The following ATP5MC2 variants were observed in gnomAD, a reference collection of about 807,000 sequenced individuals.
The protein encoded by ATP5MC2 is ATP synthase F(0) complex subunit C2, mitochondrial.
In ATP5MC2, 11 loss-of-function variants were observed where a neutral mutation model predicts 13.5. The observed-to-expected ratio is 0.81, with a 90% confidence interval of 0.51 to 1.35. ATP5MC2 has a LOEUF of 1.35. Ranked by LOEUF, ATP5MC2 falls within the 40% of genes most tolerant of loss-of-function variation. The pLI is 0.00. For missense variants in ATP5MC2, 132 were observed against 175.0 expected (o/e 0.75, Z 1.39); for synonymous variants, 64 against 69.7 (o/e 0.92, Z 0.41).
At chr12:53,671,950 T>C in intron 2 of ATP5MC2, among the ~76,000 whole-genome samples, 1 of 151,768 alleles carries the variant, frequency 6.6e-6, no homozygotes, top group Non-Finnish European at 1.5e-5. Context: ...AAAAATTAGC[T>C]GGGTATGGTG....
At chr12:53,668,406 C>T (rs575680621) in intron 4 of ATP5MC2, among the ~76,000 whole-genome samples, 89 of 151,820 alleles carry the variant, frequency 5.9e-4, no homozygotes, top group African/African-American at 2.1e-3. Context: ...CGGGTTCAAG[C>T]GATTCTTCTG....
Position 53,669,228 on chromosome 12 carries a change from A to C in ATP5MC2, c.231T>G (p.Ala77=), listed in dbSNP as rs763684496. The C allele has an allele frequency of 6.8e-6, 11 of 1,613,906 alleles. No individual in the cohort carries two copies. In the East Asian group the frequency reaches 2.2e-4, roughly 33 times the overall value. ...CAGCCACCCCAACTGTGGCAGCCCC[A>C]GCTCCAATGAACTTGGCTGCTGTGT... ...DIDTAAKFIG[A]GAATVGVAGS... The change falls in exon 4 of 5, where the codon GCT becomes GCG. Residue 77 remains alanine (A), a synonymous_variant. Coordinates refer to ENST00000394349, the MANE Select transcript of ATP5MC2 (RefSeq NM_005176.7).
At chr12:53,673,319 A>AAAAC (rs144937742) in intron 1 of ATP5MC2, 26,528 of 141,608 alleles carry the variant, frequency 0.19, 2,859 homozygotes, top group East Asian at 0.62. Context: ...ACCCCATCTC[A>AAAAC]AAACAAACAA....
intron 2 of ATP5MC2, among the ~76,000 whole-genome samples, 175 bp downstream of exon 2, chr12:53,672,401 T>TA (rs1565627905): frequency 6.6e-6 from 1 of 152,094 alleles, no homozygotes; most frequent in African/African-American, 2.4e-5. Context: ...TTCGTTTTTT[T>TA]AGTAGAGATG....
chr12:53,665,397 A>C lies in ATP5MC2; in HGVS notation c.343T>G (p.Tyr115Asp). 3 of 1,614,196 alleles carry C rather than the reference A, an allele frequency of 1.9e-6. No individual in the cohort carries two copies. The highest frequency in any genetic ancestry group is 2.5e-6 in the Non-Finnish European group (3 of 1,180,012). ...GAGAGGGCAAAGCCCAGAATGGCGT[A>C]GGAGAAGAGCTGTTGCTTCAGAGAA... ...NPSLKQQLFS[Y>D]AILGFALSEA... Residue 115 changes from tyrosine to aspartate, a missense_variant, in exon 5 of 5, where the codon TAC (tyrosine) becomes GAC (aspartate). Coordinates refer to ENST00000394349, the MANE Select transcript of ATP5MC2 (RefSeq NM_005176.7).
chr12:53,679,237 A>AAGAGAGAG (rs1945326601), upstream of ATP5MC2, among the ~76,000 whole-genome samples: 2 of 72,608 alleles, frequency 2.8e-5, no homozygotes, highest in African/African-American at 7.5e-5. Context: ...GATTTTAAAA[A>AAGAGAGAG]CGAGAGAGAG....
rs575561621 is a variant in ATP5MC2, at chr12:53,675,690, G to C, written c.-32+363C>G. 9.8e-5 allele frequency among the ~76,000 whole-genome samples: 15 copies of C among 152,338 alleles called. No individual in the cohort carries two copies. The South Asian group carries it at 3.1e-3, about 32-fold the overall frequency. ...GAAGGCACAAGTCAGGATGAGAAGA[G>C]AAAGCAGAGATAGGAGGGGAGAGCC... On this transcript the variant is annotated intron_variant, in intron 1 of 4. Transcript: ENST00000394349.
In ATP5MC2 at chr12:53,665,214, G is replaced by A; in HGVS notation, c.*100C>T. 4.7e-6 allele frequency: 4 copies of A among 843,832 alleles called. No homozygotes were observed. The allele number at this position is 843,832 out of a possible 1,614,324, so 52.3% of individuals were successfully genotyped here. A position where few individuals can be genotyped will look rare whatever the true frequency, so the allele number is the denominator to read the frequency against. On this transcript the variant is annotated 3_prime_UTR_variant, in exon 5 of 5. Transcript: ENST00000394349. Reference sequence around the variant, plus strand: ...ATTTGTCTTTTCTCTGTCAAACCCTGAGCCAACCACGTTCCCCAGGCTGCC... The same window carrying A: ...ATTTGTCTTTTCTCTGTCAAACCCTAAGCCAACCACGTTCCCCAGGCTGCC...
At chr12:53,679,271 G>C (rs1945327959), upstream of ATP5MC2, among the ~76,000 whole-genome samples, 1 of 150,772 alleles carries the variant, frequency 6.6e-6, no homozygotes, top group African/African-American at 2.5e-5. Context: ...GAGAGAGAGA[G>C]AGAGAGAGAC....
chr12:53,671,899 G>A (rs1287202480), intron 2 of ATP5MC2, among the ~76,000 whole-genome samples: 1 of 151,934 alleles, frequency 6.6e-6, no homozygotes, highest in Non-Finnish European at 1.5e-5. Flanking sequence ...TTTGAGACCA[G>A]CCCGGCCAAC....
chr12:53,676,319 A>AACGTGG, upstream of ATP5MC2: 1 of 1,410,610 alleles, frequency 7.1e-7, no homozygotes, highest in Non-Finnish European at 9.6e-7. Flanking sequence ...GCCGATCCGT[A>AACGTGG]ACGTGGACTG....
rs1287582956 is a variant in ATP5MC2 at position 53,667,972 on chromosome 12, T to C, written c.311+1176A>G. Among the ~76,000 whole-genome samples, 22 of 49,914 alleles carry C rather than the reference T, an allele frequency of 4.4e-4. 2 individuals are homozygous for C. The highest frequency in any genetic ancestry group is 1.6e-3 in the African/African-American group (13 of 8,234). 32.7% of individuals were successfully genotyped at this position (49,914 alleles called of 152,430 possible). A position where few individuals can be genotyped will look rare whatever the true frequency, so the allele number is the denominator to read the frequency against. ...ATACACACACATATATATATATATATATATATATATATATATATATATAAA... is the reference window on the plus strand; with the variant it reads ...ATACACACACATATATATATATATACATATATATATATATATATATATAAA... On this transcript the variant is annotated intron_variant, in intron 4 of 4. Coordinates refer to ENST00000394349, the MANE Select transcript of ATP5MC2 (RefSeq NM_005176.7).
chr12:53,676,116 G>A (rs200067206), upstream of ATP5MC2: 20 of 1,614,278 alleles, frequency 1.2e-5, no homozygotes, highest in East Asian at 4.5e-4. Flanking sequence ...GGAAGGCTCA[G>A]CGCATGCGTG....
chr12:53,667,271 T>A (rs895990364), intron 4 of ATP5MC2, among the ~76,000 whole-genome samples: 1 of 152,178 alleles, frequency 6.6e-6, no homozygotes, highest in South Asian at 2.1e-4. Context: ...CAGTCCCAGG[T>A]GTCAGAAACC....
At chr12:53,680,918 G>C (rs958995758), upstream of ATP5MC2, among the ~76,000 whole-genome samples, 1 of 151,690 alleles carries the variant, frequency 6.6e-6, no homozygotes, top group Admixed American at 6.6e-5. Context: ...AATTATTTTT[G>C]TGGGGGAGGT....
At chr12:53,677,103 G>C (rs1945296447), upstream of ATP5MC2, 1 of 152,284 alleles carries the variant, frequency 6.6e-6, no homozygotes, top group African/African-American at 2.4e-5. Context: ...TAAAAAGAAA[G>C]CCGCGGCTGT....
chr12:53,672,101 A>AATAAAATAAAATAAAATAAAATAAAAT (rs1945114838), intron 2 of ATP5MC2, among the ~76,000 whole-genome samples: 2 of 150,574 alleles, frequency 1.3e-5, no homozygotes, highest in African/African-American at 4.9e-5. Context: ...AAAAAAAAAA[A>AATAAAATAAAATAAAATAAAATAAAAT]AAAATTAACT....
intron 4 of ATP5MC2, among the ~76,000 whole-genome samples, chr12:53,668,082 G>A (rs144256881): frequency 0.054 from 8,022 of 148,246 alleles, 704 homozygotes; most frequent in African/African-American, 0.19. Flanking sequence ...TCTGTCTCCC[G>A]GGTTCAAGCA....
At chr12:53,668,617 A>G (rs1203784292) in intron 4 of ATP5MC2, among the ~76,000 whole-genome samples, 1 of 151,986 alleles carries the variant, frequency 6.6e-6, no homozygotes, top group Non-Finnish European at 1.5e-5. Context: ...CTATATTTGC[A>G]TTGTTGAATA....
Sources: gnomAD v4.1 joint callset for allele counts (sites outside exome capture counted in the v4.1 genomes callset) on GRCh38, gnomAD v4.1.1 for gene constraint, MANE v1.5 for transcripts, NCBI Gene and HGNC (gene_info 2026-07-23, HGNC 2026-07-21) for gene names.